MYO1D: variants seen among roughly 807,000 people sequenced by gnomAD.
The protein encoded by MYO1D is myosin ID, also known as unconventional myosin-Id.
MYO1D carries 83 observed loss-of-function variants against 122.0 expected under a neutral mutation model. The ratio of observed to expected loss-of-function variants is 0.68; its 90% CI spans 0.57 to 0.82. The LOEUF is 0.82. Among genes scored for constraint, MYO1D ranks in the 40% least tolerant of loss-of-function variants. The pLI is 0.00. For synonymous variants in MYO1D, 464 were observed against 446.9 expected (o/e 1.04, Z -0.48); for missense variants, 1,157 against 1,269.5 (o/e 0.91, Z 1.35).
chr17:32,653,820 G>C (rs762834340), intron 19 of MYO1D, 23 bp downstream of exon 19: 11 of 1,580,816 alleles, frequency 7.0e-6, no homozygotes, highest in Non-Finnish European at 9.6e-6. Context: ...TTTCCAAGAT[G>C]ATCTGGTTTA....
chr17:32,773,049 G>A (rs542616792), intron 4 of MYO1D, among the ~76,000 whole-genome samples: 5 of 152,276 alleles, frequency 3.3e-5, no homozygotes, highest in African/African-American at 1.2e-4. Context: ...GACTTGGATC[G>A]GGGGAGCTCC....
chr17:32,693,252 A>AT (rs369941775), intron 16 of MYO1D, among the ~76,000 whole-genome samples: 16 of 151,350 alleles, frequency 1.1e-4, no homozygotes, highest in East Asian at 3.9e-4. Flanking sequence ...ATATGTAGCC[A>AT]TTTTTTTTTC....
At chr17:32,565,669 G>A (rs1479416485) in intron 21 of MYO1D, among the ~76,000 whole-genome samples, 2 of 152,104 alleles carry the variant, frequency 1.3e-5, no homozygotes, top group African/African-American at 4.8e-5. Context: ...TGTTACCACT[G>A]GCATCTGAAC....
Position 32,712,198 on chromosome 17 carries a change from G to A in MYO1D, c.1914-3C>T. ...TGAATTCAGAGATCATCTTATACCT[G>A]GATGAAAAAAAGAAACAGGGTTAAG... On this transcript the variant is annotated splice_region_variant and splice_polypyrimidine_tract_variant and intron_variant, in intron 15 of 21. Transcript: ENST00000318217. The A allele has an allele frequency of 6.2e-7, 1 of 1,608,748 alleles. No individual in the cohort carries two copies. Among genetic ancestry groups the A allele is most frequent in the South Asian group, 1.1e-5 (1 of 90,618 alleles).
chr17:32,615,605 C>T (rs2087760483), intron 20 of MYO1D, among the ~76,000 whole-genome samples: 1 of 152,188 alleles, frequency 6.6e-6, no homozygotes, highest in South Asian at 2.1e-4. Flanking sequence ...CCCAGCTTCT[C>T]CAGATGGCAA....
At chr17:32,872,080 A>G (rs986247510) in intron 1 of MYO1D, among the ~76,000 whole-genome samples, 4 of 152,202 alleles carry the variant, frequency 2.6e-5, no homozygotes, top group African/African-American at 9.6e-5. Flanking sequence ...ACCCTTGGAA[A>G]TTGGAATGAG....
chr17:32,705,964 A>T (rs1185111225), intron 16 of MYO1D, among the ~76,000 whole-genome samples: 1 of 152,128 alleles, frequency 6.6e-6, no homozygotes, highest in Non-Finnish European at 1.5e-5. Context: ...CATGATTGTG[A>T]GGCCTCCCAA....
intron 11 of MYO1D, among the ~76,000 whole-genome samples, chr17:32,753,559 A>C (rs897325843): frequency 4.6e-4 from 70 of 152,236 alleles, no homozygotes; most frequent in African/African-American, 1.6e-3. Flanking sequence ...TTAGCATTTC[A>C]TGTCAAATCA....
At chr17:32,505,119 A>G (rs1175207539) in intron 21 of MYO1D, 1 of 152,256 alleles carries the variant, frequency 6.6e-6, no homozygotes, top group Non-Finnish European at 1.5e-5. Flanking sequence ...CAGTCATCAG[A>G]GAGATCTTTT....
Position 32,533,218 on chromosome 17 carries a change from A to T in MYO1D, c.2865-38303T>A, listed in dbSNP as rs142507178. ...ACTCCCAAATCTATACCTCTAGCCC[A>T]TTTTAATTCCAAACCTTATATTCAG... is the stretch of plus-strand genomic sequence containing the variant. On this transcript the variant is annotated intron_variant, in intron 21 of 21. Coordinates refer to ENST00000318217, the MANE Select transcript of MYO1D (RefSeq NM_015194.3). Among the ~76,000 whole-genome samples, 388 of 152,276 alleles carry T rather than the reference A, an allele frequency of 2.5e-3. 1 individual carries two copies. Among genetic ancestry groups the T allele is most frequent in the African/African-American group, 9.0e-3 (372 of 41,538 alleles).
chr17:32,871,753 G>A (rs1402958875), intron 1 of MYO1D, among the ~76,000 whole-genome samples: 1 of 152,246 alleles, frequency 6.6e-6, no homozygotes, highest in East Asian at 1.9e-4. Context: ...GCACATGGCT[G>A]AGAGTGAGGA....
intron 8 of MYO1D, among the ~76,000 whole-genome samples, chr17:32,764,402 TG>T (rs2090033798): frequency 6.6e-6 from 1 of 152,174 alleles, no homozygotes; most frequent in African/African-American, 2.4e-5. Context: ...TGTTTCAAAT[TG>T]CTAAGAGTGG....
intron 21 of MYO1D, 144 bp downstream of exon 21, chr17:32,604,943 T>C: frequency 4.0e-6 from 3 of 753,666 alleles, no homozygotes; most frequent in Non-Finnish European, 5.8e-6. Flanking sequence ...AATTTTACCT[T>C]CTGCGAAACA....
intron 3 of MYO1D, 117 bp downstream of exon 3, chr17:32,778,363 T>C (rs755106967): frequency 9.9e-5 from 76 of 767,228 alleles, no homozygotes; most frequent in Non-Finnish European, 1.4e-4. Flanking sequence ...CATCAAAAAA[T>C]GCTCAGCCCA....
At chr17:32,620,430 T>TC (rs1399178762) in intron 20 of MYO1D, among the ~76,000 whole-genome samples, 1 of 152,192 alleles carries the variant, frequency 6.6e-6, no homozygotes, top group Non-Finnish European at 1.5e-5. Flanking sequence ...TACCCCTTTC[T>TC]TGTACTTTTG....
chr17:32,679,333 C>T (rs1350143195), intron 16 of MYO1D, among the ~76,000 whole-genome samples: 2 of 151,764 alleles, frequency 1.3e-5, no homozygotes, highest in South Asian at 2.1e-4. Flanking sequence ...AAGTCCTTGC[C>T]CACGCCTATG....
intron 13 of MYO1D, 80 bp downstream of exon 13, chr17:32,745,131 C>A: frequency 1.3e-6 from 1 of 777,954 alleles, no homozygotes; most frequent in Non-Finnish European, 2.1e-6. Flanking sequence ...CTTAAAATTG[C>A]ATATAAATAT....
chr17:32,541,825 T>TC (rs1292083039), intron 21 of MYO1D, among the ~76,000 whole-genome samples: 7 of 152,096 alleles, frequency 4.6e-5, no homozygotes, highest in Non-Finnish European at 8.8e-5. Context: ...CCTGTAACTC[T>TC]CCTCCAGGGT....
At chr17:32,746,726 G>A (rs995520298) in intron 12 of MYO1D, among the ~76,000 whole-genome samples, 1 of 152,090 alleles carries the variant, frequency 6.6e-6, no homozygotes, top group Non-Finnish European at 1.5e-5. Context: ...ATCCAGAAAA[G>A]GATTGAAGAG....
Sources: gnomAD v4.1 joint callset for allele counts (sites outside exome capture counted in the v4.1 genomes callset) on GRCh38, gnomAD v4.1.1 for gene constraint, MANE v1.5 for transcripts, NCBI Gene and HGNC (gene_info 2026-07-23, HGNC 2026-07-21) for gene names.